Variants in TBX1 observed in about 807,000 individuals in gnomAD.
TBX1 encodes T-box transcription factor TBX1.
In TBX1, 16 loss-of-function variants were observed where a neutral mutation model predicts 40.8. That is an observed-to-expected ratio of 0.39 (90% CI 0.27 to 0.60). TBX1 has a LOEUF of 0.60. TBX1 is among the 20% of genes least tolerant of loss of function. The pLI, the probability that TBX1 is intolerant of heterozygous loss-of-function variation, is 0.51. For synonymous variants in TBX1, 403 were observed against 336.8 expected, an observed-to-expected ratio of 1.20 and a Z score of -2.15; for missense variants, 755 against 728.5, an observed-to-expected ratio of 1.04 and a Z score of -0.42.
chr22:19,771,502 T>C (rs1364310992), downstream of TBX1, among the ~76,000 whole-genome samples: 1 of 152,226 alleles, frequency 6.6e-6, no homozygotes, highest in Non-Finnish European at 1.5e-5. Context: ...AGGCTTAGCT[T>C]TTAATAGCAG....
rs151193934 is a variant in TBX1, at chr22:19,779,081, C to T, written c.1010-139C>T. 250 of 1,007,510 alleles carry T rather than the reference C, an allele frequency of 2.5e-4. 2 individuals carry two copies. The African/African-American group carries it at 3.4e-3, about 14-fold the overall frequency. 62.4% of individuals were successfully genotyped at this position (1,007,510 alleles called of 1,614,324 possible). On this transcript the variant is annotated intron_variant, in intron 8 of 8. Transcript: ENST00000329705. Reference sequence around the variant, plus strand: ...TGTCTGTGTCCTGTGGGCGGCTCGGCTCGTTGGGAGATGCAGTCCTGTCCT... The same window carrying T: ...TGTCTGTGTCCTGTGGGCGGCTCGGTTCGTTGGGAGATGCAGTCCTGTCCT...
downstream of TBX1, among the ~76,000 whole-genome samples, chr22:19,780,117 G>A (rs1238876454): frequency 6.6e-6 from 1 of 152,136 alleles, no homozygotes; most frequent in Non-Finnish European, 1.5e-5. Context: ...TAACATTGAG[G>A]GAAAATACAC....
chr22:19,759,289 G>C (rs1389340017), upstream of TBX1, among the ~76,000 whole-genome samples: 1 of 152,234 alleles, frequency 6.6e-6, no homozygotes, highest in Non-Finnish European at 1.5e-5. Flanking sequence ...TGCACTTCCA[G>C]GGTGCTCCAC....
intron 4 of TBX1, 49 bp from the exon 5 acceptor site, chr22:19,765,709 G>T: frequency 6.2e-7 from 1 of 1,605,074 alleles, no homozygotes; most frequent in Non-Finnish European, 8.5e-7. Context: ...AGGTCGGGTG[G>T]CCCAGGCTGC....
chr22:19,760,765 C>G (rs1023441208), upstream of TBX1: 2 of 295,692 alleles, frequency 6.8e-6, no homozygotes, highest in Non-Finnish European at 9.2e-6. Context: ...GCGCACGCAG[C>G]GCGGCGCCCG....
upstream of TBX1, among the ~76,000 whole-genome samples, chr22:19,760,570 C>T (rs1421098521): frequency 1.4e-5 from 2 of 138,600 alleles, no homozygotes; most frequent in East Asian, 2.2e-4. Context: ...GGTCGGGGGG[C>T]CCCGGGCCGA....
upstream of TBX1, among the ~76,000 whole-genome samples, chr22:19,759,230 C>G (rs2145823706): frequency 6.6e-6 from 1 of 152,326 alleles, no homozygotes; most frequent in Admixed American, 6.5e-5. Flanking sequence ...TCATGGAGGT[C>G]CCTGGGAATG....
chr22:19,768,911 G>A (rs538550595), downstream of TBX1, among the ~76,000 whole-genome samples: 9 of 150,254 alleles, frequency 6.0e-5, no homozygotes, highest in East Asian at 4.0e-4. Flanking sequence ...GCACCCAGCC[G>A]TCCAGCAGGG....
At position 19,766,530 on chromosome 22, in the gene TBX1, C is replaced by G. The variant is rs918788695; in HGVS notation, c.1178C>G (p.Pro393Arg). ...GCCGGCGGCGCCGGCGGCTTAGTCC[C>G]GCTGCCCGGCGCGCCCGGAGGCCGG... is the stretch of plus-strand genomic sequence containing the variant. The part of the protein sequence containing the change: ...PGAGGAGGLV[P>R]LPGAPGGRPS... The change falls in exon 7 of 7, where the codon CCG becomes CGG. Residue 393 changes from proline to arginine, a missense_variant. Transcript: ENST00000649276. 7 of 1,341,666 alleles carry G rather than the reference C, an allele frequency of 5.2e-6. No individual in the cohort carries two copies. The highest frequency in any genetic ancestry group is 6.7e-6 in the Non-Finnish European group (7 of 1,051,218). 83.1% of individuals were successfully genotyped at this position (1,341,666 alleles called of 1,614,324 possible).
At chr22:19,764,746 C>T (rs1037981385) in intron 3 of TBX1, among the ~76,000 whole-genome samples, 9 of 152,246 alleles carry the variant, frequency 5.9e-5, no homozygotes, top group Non-Finnish European at 1.2e-4. Context: ...AAACCCAGAT[C>T]TTTTGCCACT....
At chr22:19,783,482 G>A (rs995146772), downstream of TBX1, 2 of 261,656 alleles carry the variant, frequency 7.6e-6, no homozygotes, top group Non-Finnish European at 1.5e-5. Context: ...CCTATTAGTT[G>A]GAGGCTGCAG....
At chr22:19,783,126 T>C (rs1182529851), downstream of TBX1, 5 of 745,452 alleles carry the variant, frequency 6.7e-6, no homozygotes, top group African/African-American at 1.7e-5. Flanking sequence ...CCTCCAGCCC[T>C]GGCCATCACC....
rs1383642230 is a variant in TBX1, at chr22:19,761,274, C to A, written c.431C>A (p.Ala144Asp). 1 of 1,555,208 alleles carries A rather than the reference C, an allele frequency of 6.4e-7. No homozygotes were observed. The highest frequency in any genetic ancestry group is 2.5e-5 in the East Asian group (1 of 39,374). ...QLGTEMIVTK[A>D]GRRMFPTFQV... ...GGCACCGAGATGATCGTCACCAAGG[C>A]CGGCAGGTCAGGGCGCCCCTCCCCA... is the stretch of plus-strand genomic sequence containing the variant. The change falls in exon 1 of 7, where the codon GCC becomes GAC. Residue 144 changes from alanine to aspartate, a missense_variant. By Grantham distance (126) the Ala-to-Asp change is moderately radical. Around this residue, in one of 3 missense-constraint regions of TBX1, gnomAD observed 144 missense variants for 238.0 expected, o/e 0.61. Coordinates refer to ENST00000649276, the MANE Select transcript of TBX1 (RefSeq NM_001379200.1).
chr22:19,768,953 C>CTT (rs36085623), downstream of TBX1, among the ~76,000 whole-genome samples: 537 of 66,088 alleles, frequency 8.1e-3, 18 homozygotes, highest in Middle Eastern at 0.017. Context: ...TGTTCGCATT[C>CTT]TTTTTTTTTT....
chr22:19,770,927 C>A (rs1260602086), downstream of TBX1, among the ~76,000 whole-genome samples: 1 of 152,150 alleles, frequency 6.6e-6, no homozygotes, highest in Non-Finnish European at 1.5e-5. Flanking sequence ...AGCATGTGGC[C>A]CGTGTTCCAG....
At chr22:19,772,538 A>G (rs924805795) in intron 8 of TBX1, among the ~76,000 whole-genome samples, 5 of 150,706 alleles carry the variant, frequency 3.3e-5, no homozygotes, top group African/African-American at 1.2e-4. Context: ...TGCCTCTTGA[A>G]CTCTTGGCCT....
chr22:19,764,132 G>A lies in TBX1; in HGVS notation c.540-23G>A, dbSNP rs781588452. 1.2e-5 allele frequency: 20 copies of A among 1,612,022 alleles called. No homozygotes were observed. The East Asian group carries it at 1.3e-4, about 11-fold the overall frequency. Reference sequence around the variant, plus strand: ...CCTCTGGGTTCACCTCCACATGCACGACCCCACCCCGTGCCGCTCCAGGTA... The same window carrying A: ...CCTCTGGGTTCACCTCCACATGCACAACCCCACCCCGTGCCGCTCCAGGTA... On this transcript the variant is annotated intron_variant, in intron 2 of 6. Coordinates refer to ENST00000649276, the MANE Select transcript of TBX1 (RefSeq NM_001379200.1).
In TBX1 at chr22:19,765,742, A is replaced by T. The variant is rs768923000; in HGVS notation, c.868-16A>T. The T allele has an allele frequency of 2.5e-6, 4 of 1,610,632 alleles. No individual in the cohort carries two copies. The highest frequency in any genetic ancestry group is 4.5e-5 in the East Asian group (2 of 44,694). On this transcript the variant is annotated splice_polypyrimidine_tract_variant and intron_variant, in intron 4 of 6. Transcript: ENST00000649276. ...TGCAGGGCTCCAGCGGCTTGCTCAC[A>T]CCCACCTCCCTGCAGATCACGCAGC...
Position 19,763,317 on chromosome 22 carries a change from G to C in TBX1, c.514G>C (p.Val172Leu). The C allele has an allele frequency of 6.2e-7, 1 of 1,614,194 alleles. No homozygotes were observed. Among genetic ancestry groups the C allele is most frequent in the Non-Finnish European group, 8.5e-7 (1 of 1,180,022 alleles). ...CGACTATATGCTGCTCATGGACTTC[G>C]TGCCGGTGGACGATAAGCGCTACCG... Reference protein sequence around the residue: ...MADYMLLMDFVPVDDKRYRYA... With the variant: ...MADYMLLMDFLPVDDKRYRYA... The change falls in exon 2 of 7, where the codon GTG (valine) becomes CTG (leucine). Residue 172 changes from valine (V) to leucine (L), a missense_variant. Val to Leu is a conservative substitution (Grantham distance 32, BLOSUM62 1). Around this residue, in one of 3 missense-constraint regions of TBX1, gnomAD observed 144 missense variants for 238.0 expected, o/e 0.61. Coordinates refer to ENST00000649276, the MANE Select transcript of TBX1 (RefSeq NM_001379200.1).
Sources: allele counts gnomAD v4.1 joint callset (sites outside exome capture counted in the v4.1 genomes callset), GRCh38; gene constraint gnomAD v4.1.1; regional missense constraint gnomAD v4.1.1; transcripts MANE v1.5; gene names NCBI Gene and HGNC (gene_info 2026-07-23, HGNC 2026-07-21).